Variants in ARAP2 observed in about 807,000 individuals in gnomAD.
ARAP2 encodes arf-GAP with Rho-GAP domain, ANK repeat and PH domain-containing protein 2.
In ARAP2, 148 loss-of-function variants were observed where a neutral mutation model predicts 194.5. The ratio of observed to expected loss-of-function variants is 0.76; its 90% CI spans 0.67 to 0.87. The LOEUF (loss-of-function observed/expected upper bound fraction) is 0.87, where lower values mean the gene tolerates loss of function less well. Ranked by LOEUF, ARAP2 falls within the 40% of genes least tolerant of loss-of-function variation. The pLI, the probability that ARAP2 is intolerant of heterozygous loss-of-function variation, is 0.00. For synonymous variants in ARAP2, 695 were observed against 683.5 expected, an observed-to-expected ratio of 1.02 and a Z score of -0.26; for missense variants, 2,128 against 1,989.7, an observed-to-expected ratio of 1.07 and a Z score of -1.32.
chr4:36,014,224 C>CGAAAGAAAGAAAGAAAGAAAGAAA (rs1187551419), intron 8 of ARAP2, among the ~76,000 whole-genome samples: 14 of 61,706 alleles, frequency 2.3e-4, no homozygotes, highest in East Asian at 1.0e-3. Context: ...GAGACCCTAT[C>CGAAAGAAAGAAAGAAAGAAAGAAA]GAAAGAAAGA....
intron 27 of ARAP2, among the ~76,000 whole-genome samples, chr4:36,101,961 C>G (rs532045441): frequency 1.4e-5 from 2 of 139,026 alleles, no homozygotes; most frequent in Non-Finnish European, 3.1e-5. Flanking sequence ...AAAAATTACT[C>G]CTTTGACAAT....
intron 6 of ARAP2, among the ~76,000 whole-genome samples, chr4:36,017,998 G>A (rs181741727): frequency 6.6e-6 from 1 of 152,196 alleles, no homozygotes; most frequent in East Asian, 1.9e-4. Context: ...CATTTTGATT[G>A]TACATAAATT....
At chr4:36,134,633 T>G (rs1212507395) in intron 19 of ARAP2, among the ~76,000 whole-genome samples, 1 of 151,630 alleles carries the variant, frequency 6.6e-6, no homozygotes, top group Non-Finnish European at 1.5e-5. Context: ...TCTTGAGTTT[T>G]CAAGATAAAA....
intron 29 of ARAP2, 78 bp from the exon 30 acceptor site, chr4:36,082,364 A>C: frequency 9.1e-6 from 13 of 1,423,860 alleles, no homozygotes; most frequent in Non-Finnish European, 1.2e-5. Flanking sequence ...ATTAGATGTT[A>C]AGGAGATGAG....
At position 36,117,070 on chromosome 4, in the gene ARAP2, A is replaced by G. The variant is rs759792162; in HGVS notation, c.4029T>C (p.Ile1343=). Residue 1343 remains isoleucine (I), a synonymous_variant, in exon 25 of 33, where the codon ATT becomes ATC. Coordinates refer to ENST00000303965, the MANE Select transcript of ARAP2 (RefSeq NM_015230.4). ...CACCTTTAGAACTTACCCGAATTATAATACTACAGTCGGGTTCCTTCCTTT... is the reference window on the plus strand; with the variant it reads ...CACCTTTAGAACTTACCCGAATTATGATACTACAGTCGGGTTCCTTCCTTT... ...YVERKEPDCS[I]IIRISPVMEA... is the part of the protein sequence containing the mutation. 6.3e-7 allele frequency: 1 copy of G among 1,590,636 alleles called. No homozygotes were observed. The highest frequency in any genetic ancestry group is 1.1e-5 in the South Asian group (1 of 87,812).
intron 9 of ARAP2, among the ~76,000 whole-genome samples, chr4:36,007,527 T>C (rs1560252313): frequency 1.3e-5 from 2 of 152,176 alleles, no homozygotes; most frequent in Non-Finnish European, 1.5e-5. Flanking sequence ...CCTATATTCT[T>C]TGGAGAAAGC....
intron 8 of ARAP2, among the ~76,000 whole-genome samples, chr4:36,013,281 C>T (rs1714884193): frequency 6.6e-6 from 1 of 152,002 alleles, no homozygotes; most frequent in Admixed American, 6.6e-5. Context: ...TACATGACTG[C>T]CGTTTAACTA....
chr4:36,100,759 T>C (rs984578744), intron 27 of ARAP2, among the ~76,000 whole-genome samples: 28 of 152,064 alleles, frequency 1.8e-4, no homozygotes, highest in African/African-American at 6.8e-4. Context: ...TCTTTCTTAC[T>C]TTCTTTTTTT....
At chr4:36,230,836 C>T (rs1751310348) in intron 1 of ARAP2, among the ~76,000 whole-genome samples, 1 of 152,068 alleles carries the variant, frequency 6.6e-6, no homozygotes, top group Non-Finnish European at 1.5e-5. Flanking sequence ...CGCCAACTGC[C>T]CATAAGCTAC....
chr4:36,158,023 T>A (rs1353681202), intron 15 of ARAP2, among the ~76,000 whole-genome samples: 1 of 152,172 alleles, frequency 6.6e-6, no homozygotes, highest in East Asian at 1.9e-4. Context: ...TTTGTTACAG[T>A]AAGGCAGACT....
chr4:36,094,333 G>A (rs1028878264), intron 27 of ARAP2, among the ~76,000 whole-genome samples: 2 of 152,084 alleles, frequency 1.3e-5, no homozygotes, highest in African/African-American at 2.4e-5. Flanking sequence ...CAGGGACAGA[G>A]CTGAGTAGTT....
rs181985967 is a variant in ARAP2, at chr4:36,069,495, G to A, written c.4744-1217C>T. Among the ~76,000 whole-genome samples, 22 of 151,288 alleles carry A rather than the reference G, an allele frequency of 1.5e-4. No homozygotes were observed. In the East Asian group the frequency reaches 3.5e-3, roughly 24 times the overall value. ...AATTCCATGATATATGTATTTTATC[G>A]CAAATGAAGTAAAAAAAAAACAAGA... On this transcript the variant is annotated intron_variant, in intron 32 of 32. Transcript: ENST00000303965.
intron 9 of ARAP2, among the ~76,000 whole-genome samples, chr4:36,011,689 T>G (rs1291240347): frequency 6.6e-6 from 1 of 152,190 alleles, no homozygotes; most frequent in Non-Finnish European, 1.5e-5. Context: ...TTGATAATTC[T>G]ACATATAGGC....
In ARAP2 at chr4:36,158,620, A is replaced by G. The variant is rs562525193; in HGVS notation, c.2752+110T>C. 1.9e-5 allele frequency: 17 copies of G among 900,182 alleles called. No homozygotes were observed. In the South Asian group the frequency reaches 2.8e-4, roughly 15 times the overall value. 55.8% of individuals were successfully genotyped at this position (900,182 alleles called of 1,614,324 possible). A position where few individuals can be genotyped will look rare whatever the true frequency, so the allele number is the denominator to read the frequency against. On this transcript the variant is annotated intron_variant, in intron 15 of 32. Transcript: ENST00000303965. ...TTTATAAATCCTCAAAAATATCTCT[A>G]CTTGGAGATCAAATCTAACATCTCA...
intron 25 of ARAP2, among the ~76,000 whole-genome samples, chr4:36,115,532 G>A (rs1245704612): frequency 6.6e-6 from 1 of 152,004 alleles, no homozygotes; most frequent in East Asian, 1.9e-4. Flanking sequence ...TGCATCAAGA[G>A]AGACCAAAAG....
chr4:36,228,932 CTTCTTTGT>C lies in ARAP2; in HGVS notation c.547_554del (p.Thr183AspfsTer7). On this transcript the variant is annotated frameshift_variant, in exon 2 of 33. Transcript: ENST00000303965. LOFTEE classifies it high-confidence loss of function. The stretch of plus-strand genomic sequence containing the variant: ...GTTCTTCAACTGTGTGATCCACAGT[CTTCTTTGT>C]AATCAATGATTCTATTTTAATATTG... The C allele has an allele frequency of 6.2e-7, 1 of 1,613,978 alleles. No individual in the cohort carries two copies. The highest frequency in any genetic ancestry group is 8.5e-7 in the Non-Finnish European group (1 of 1,179,936).
chr4:36,043,951 T>C (rs1225261050), intron 5 of ARAP2, among the ~76,000 whole-genome samples: 3 of 150,838 alleles, frequency 2.0e-5, no homozygotes, highest in South Asian at 2.1e-4. Context: ...AAAGAAAGAA[T>C]TGAATTGTCT....
chr4:36,226,544 C>T (rs891031926), intron 2 of ARAP2, among the ~76,000 whole-genome samples: 7 of 151,634 alleles, frequency 4.6e-5, no homozygotes, highest in Admixed American at 2.0e-4. Flanking sequence ...TTTTTCACAA[C>T]TTACTGCTCT....
chr4:36,142,797 A>G (rs73809131), intron 19 of ARAP2, among the ~76,000 whole-genome samples: 1 of 151,650 alleles, frequency 6.6e-6, no homozygotes, highest in African/African-American at 2.4e-5. Flanking sequence ...CTTCCTTTTT[A>G]TTTCCACAGA....
Sources: allele counts gnomAD v4.1 joint callset (sites outside exome capture counted in the v4.1 genomes callset), GRCh38; gene constraint gnomAD v4.1.1; transcripts MANE v1.5; gene names NCBI Gene and HGNC (gene_info 2026-07-23, HGNC 2026-07-21).